Variants in SCFD1 observed in about 807,000 individuals in gnomAD.
SCFD1 encodes the protein sec1 family domain-containing protein 1.
A neutral mutation model predicts 103.2 loss-of-function variants in SCFD1; 37 were observed. That is an observed-to-expected ratio of 0.36 (90% confidence interval 0.28 to 0.47). SCFD1 has a LOEUF of 0.47. Among genes scored for constraint, SCFD1 ranks in the 20% least tolerant of loss-of-function variants. The pLI, the probability that SCFD1 is intolerant of heterozygous loss-of-function variation, is 1.00. For synonymous variants in SCFD1, 264 were observed against 245.0 expected (o/e 1.08, Z -0.73); for missense variants, 639 against 761.2 (o/e 0.84, Z 1.89).
chr14:30,694,694 T>C, intron 14 of SCFD1, 79 bp from the exon 15 acceptor site: 1 of 1,457,228 alleles, frequency 6.9e-7, no homozygotes, highest in South Asian at 1.5e-5. Context: ...TCATAGAAAA[T>C]AGAAACTTAT....
chr14:30,624,026 T>G lies in SCFD1; in HGVS notation c.61+1627T>G, dbSNP rs139402927. On this transcript the variant is annotated intron_variant, in intron 1 of 24. Transcript: ENST00000458591. ...TTGCATTAGGTGATTATGTATTATC[T>G]CCATTTTACAGGTGAGGAAAGTAAG... Among the ~76,000 whole-genome samples the G allele has an allele frequency of 2.5e-3, 377 of 152,312 alleles. 3 individuals are homozygous for G. Among genetic ancestry groups the G allele is most frequent in the African/African-American group, 7.6e-3 (317 of 41,554 alleles).
rs780485188 is a variant in SCFD1, at chr14:30,653,535, G to A, written c.802G>A (p.Ala268Thr). Residue 268 changes from alanine (A) to threonine (T), a missense_variant, in exon 10 of 25, where the codon GCA becomes ACA. Physicochemically the swap from Ala to Thr is moderately conservative, Grantham distance 58 (BLOSUM62 0). Transcript: ENST00000458591. ...LVLVDRNIDL[A>T]TPLHHTWTYQ... ...CCTTGTTGACAGAAACATAGATTTG[G>A]CAACTCCTTTACATCATACTTGGAC... 1.2e-6 allele frequency: 2 copies of A among 1,613,664 alleles called. No individual in the cohort carries two copies. Among genetic ancestry groups the A allele is most frequent in the Non-Finnish European group, 1.7e-6 (2 of 1,179,760 alleles).
chr14:30,644,665 G>A (rs1430301077), intron 7 of SCFD1, among the ~76,000 whole-genome samples: 1 of 152,146 alleles, frequency 6.6e-6, no homozygotes, highest in Non-Finnish European at 1.5e-5. Flanking sequence ...CTTGAGAAGT[G>A]TCTGTTCATG....
chr14:30,659,346 T>C (rs1304348787), intron 10 of SCFD1, among the ~76,000 whole-genome samples: 1 of 152,170 alleles, frequency 6.6e-6, no homozygotes, highest in Non-Finnish European at 1.5e-5. Context: ...TTAGATGTTT[T>C]CTTTTCATAT....
chr14:30,678,850 G>T (rs1021307314), intron 14 of SCFD1, among the ~76,000 whole-genome samples: 3 of 152,100 alleles, frequency 2.0e-5, no homozygotes, highest in African/African-American at 7.2e-5. Flanking sequence ...ATTGTTACTG[G>T]ATCCTCATTT....
chr14:30,697,431 A>G (rs1440279910), intron 15 of SCFD1, among the ~76,000 whole-genome samples: 1 of 152,240 alleles, frequency 6.6e-6, no homozygotes, highest in African/African-American at 2.4e-5. Context: ...ATAAATGAAT[A>G]AATTGAAATT....
intron 4 of SCFD1, chr14:30,634,920 A>G (rs947332156): frequency 4.4e-6 from 2 of 456,016 alleles, no homozygotes; most frequent in African/African-American, 4.0e-5. Flanking sequence ...ATTTCTCACT[A>G]GGTAGAATCA....
chr14:30,626,053 A>T (rs940324621), intron 1 of SCFD1, among the ~76,000 whole-genome samples: 1 of 152,050 alleles, frequency 6.6e-6, no homozygotes, highest in Non-Finnish European at 1.5e-5. Context: ...CTGGAGGTGG[A>T]GGAAGAGCTC....
At chr14:30,678,118 G>A (rs1421508385) in intron 14 of SCFD1, among the ~76,000 whole-genome samples, 1 of 152,038 alleles carries the variant, frequency 6.6e-6, no homozygotes, top group Non-Finnish European at 1.5e-5. Flanking sequence ...GATTACAGGC[G>A]TGAGCCACCG....
At chr14:30,694,391 A>T (rs1019149783) in intron 14 of SCFD1, among the ~76,000 whole-genome samples, 5 of 152,158 alleles carry the variant, frequency 3.3e-5, no homozygotes, top group Admixed American at 6.5e-5. Context: ...AAGAAATGAA[A>T]GCCAGGCACA....
At chr14:30,722,016 G>C (rs1464658110) in intron 22 of SCFD1, 99 bp downstream of exon 22, 2 of 800,086 alleles carry the variant, frequency 2.5e-6, no homozygotes, top group Non-Finnish European at 4.1e-6. Context: ...ATGATGATTA[G>C]TGTATGATAA....
intron 10 of SCFD1, among the ~76,000 whole-genome samples, chr14:30,668,693 A>C (rs886109562): frequency 1.3e-5 from 2 of 152,216 alleles, no homozygotes; most frequent in Admixed American, 1.3e-4. Flanking sequence ...GAACGTAAAC[A>C]AATTTACAAG....
At chr14:30,708,540 T>C (rs539234031) in intron 19 of SCFD1, among the ~76,000 whole-genome samples, 1 of 152,256 alleles carries the variant, frequency 6.6e-6, no homozygotes, top group East Asian at 1.9e-4. Flanking sequence ...TAAAAAAAAA[T>C]TGTTCATTTG....
At chr14:30,635,631 G>A (rs1314486932) in intron 4 of SCFD1, among the ~76,000 whole-genome samples, 1 of 152,092 alleles carries the variant, frequency 6.6e-6, no homozygotes, top group Non-Finnish European at 1.5e-5. Context: ...TTGTATGGAT[G>A]TACGAAATTT....
chr14:30,671,504 AAATC>A (rs1164547359), intron 11 of SCFD1, among the ~76,000 whole-genome samples: 1 of 152,168 alleles, frequency 6.6e-6, no homozygotes, highest in Non-Finnish European at 1.5e-5. Flanking sequence ...CTTAAGAAAA[AAATC>A]TCTGTATTCA....
At chr14:30,641,843 A>G (rs1208242663) in intron 6 of SCFD1, among the ~76,000 whole-genome samples, 1 of 152,064 alleles carries the variant, frequency 6.6e-6, no homozygotes, top group Non-Finnish European at 1.5e-5. Flanking sequence ...ATTAAATTTT[A>G]TATGTGTTTT....
chr14:30,709,315 T>C (rs1319399854), intron 19 of SCFD1, among the ~76,000 whole-genome samples: 3 of 152,226 alleles, frequency 2.0e-5, no homozygotes, highest in African/African-American at 7.2e-5. Context: ...TCTTTTTTTC[T>C]GAGACAAGGT....
chr14:30,647,261 A>C (rs1023070569), intron 7 of SCFD1, among the ~76,000 whole-genome samples: 16 of 152,180 alleles, frequency 1.1e-4, no homozygotes, highest in South Asian at 4.1e-4. Context: ...ATGTCACACA[A>C]AAAAATTAAG....
intron 14 of SCFD1, among the ~76,000 whole-genome samples, chr14:30,681,955 A>G (rs1889521147): frequency 6.6e-6 from 1 of 152,204 alleles, no homozygotes; most frequent in African/African-American, 2.4e-5. Context: ...TCGCCCTCTA[A>G]TGGTTCCCTG....
Sources: allele counts gnomAD v4.1 joint callset (sites outside exome capture counted in the v4.1 genomes callset), GRCh38; gene constraint gnomAD v4.1.1; transcripts MANE v1.5; gene names NCBI Gene and HGNC (gene_info 2026-07-23, HGNC 2026-07-21).